Variants in RORA observed in about 807,000 individuals in gnomAD.
RORA encodes nuclear receptor ROR-alpha.
In RORA, 7 loss-of-function variants were observed where a neutral mutation model predicts 69.5. The ratio of observed to expected loss-of-function variants is 0.10; its 90% CI spans 0.06 to 0.19. The LOEUF (loss-of-function observed/expected upper bound fraction) is 0.19, where lower values mean the gene tolerates loss of function less well. RORA is among the 10% of genes least tolerant of loss of function. The probability of loss-of-function intolerance (pLI) is 1.00; values close to 1 mark genes in which losing one functional copy is unlikely to be tolerated. For synonymous variants in RORA, 261 were observed against 240.8 expected (o/e 1.08, Z -0.78); for missense variants, 457 against 663.0 (o/e 0.69, Z 3.41).
At position 60,905,099 on chromosome 15, in the gene RORA, T is replaced by C. The variant is rs1891498340; in HGVS notation, c.167-226413A>G. On this transcript the variant is annotated intron_variant, in intron 1 of 10. Transcript: ENST00000335670. This position sits in a 1 kb window ranked among gnomAD's most constrained non-coding sequence, Gnocchi z 4.8. ...CTTTAATGTTAATGAGACTCATTCATACCATGGGCTGGGGAGGCTTGGAAA... is the reference window on the plus strand; with the variant it reads ...CTTTAATGTTAATGAGACTCATTCACACCATGGGCTGGGGAGGCTTGGAAA... Among the ~76,000 whole-genome samples the C allele has an allele frequency of 6.6e-6, 1 of 152,200 alleles. No individual in the cohort carries two copies. The highest frequency in any genetic ancestry group is 2.4e-5 in the African/African-American group (1 of 41,454).
intron 1 of RORA, among the ~76,000 whole-genome samples, chr15:60,747,203 A>G (rs1027944747): frequency 2.0e-5 from 3 of 152,224 alleles, no homozygotes; most frequent in African/African-American, 7.2e-5. Flanking sequence ...AGATAACAGC[A>G]ATGTTTTAAT....
intron 1 of RORA, chr15:60,847,657 C>A (rs574376659): frequency 6.6e-6 from 1 of 152,092 alleles, no homozygotes; most frequent in East Asian, 1.9e-4. Flanking sequence ...AAAACCCACA[C>A]TAGATATTGA....
chr15:61,177,466 A>T (rs1281513532), intron 1 of RORA, among the ~76,000 whole-genome samples: 1 of 152,288 alleles, frequency 6.6e-6, no homozygotes, highest in East Asian at 1.9e-4. Context: ...TTAAACTAAA[A>T]ACTAAGATGT....
intron 8 of RORA, among the ~76,000 whole-genome samples, chr15:60,501,767 C>T (rs1331886601): frequency 6.6e-6 from 1 of 152,132 alleles, no homozygotes; most frequent in Non-Finnish European, 1.5e-5. Context: ...GAATAATAAT[C>T]CGTTTTCCAA....
In RORA at chr15:60,770,201, CA is replaced by C. The variant is rs559108616; in HGVS notation, c.167-91516del. ...TTAAATTCTAAAAACTACAAATGTT[CA>C]AAAAAGATATTCCTTTTTTTTTCTT... On this transcript the variant is annotated intron_variant, in intron 1 of 10. Coordinates refer to ENST00000335670, the MANE Select transcript of RORA (RefSeq NM_134261.3). 1.3e-3 allele frequency among the ~76,000 whole-genome samples: 197 copies of C among 151,816 alleles called. 1 individual carries two copies. The highest frequency in any genetic ancestry group is 4.2e-3 in the African/African-American group (175 of 41,470).
chr15:60,885,540 A>G (rs2073741314), intron 1 of RORA, among the ~76,000 whole-genome samples: 1 of 152,236 alleles, frequency 6.6e-6, no homozygotes, highest in South Asian at 2.1e-4. Context: ...CTTTGGCTAC[A>G]GAATTCTGGA....
intron 1 of RORA, among the ~76,000 whole-genome samples, chr15:60,749,848 T>C (rs1457846515): frequency 1.3e-5 from 2 of 152,126 alleles, no homozygotes; most frequent in African/African-American, 2.4e-5. Flanking sequence ...GACAACATAG[T>C]GAGACCCCGT....
Position 60,700,348 on chromosome 15 carries a change from T to C in RORA, c.167-21662A>G, listed in dbSNP as rs755939506. Among the ~76,000 whole-genome samples the C allele has an allele frequency of 7.9e-5, 12 of 152,274 alleles. No individual in the cohort carries two copies. In the Middle Eastern group the frequency reaches 0.01, roughly 129 times the overall value. ...GGACAGCAGGGTAGTTGACCTTCGA[T>C]CCTGTCTGACCATACCCCAAATCCT... On this transcript the variant is annotated intron_variant, in intron 1 of 10. Coordinates refer to ENST00000335670, the MANE Select transcript of RORA (RefSeq NM_134261.3).
intron 1 of RORA, among the ~76,000 whole-genome samples, chr15:61,048,682 C>T (rs1352655787): frequency 2.6e-5 from 4 of 152,126 alleles, no homozygotes; most frequent in Admixed American, 6.5e-5. Context: ...ACTTTGACGT[C>T]GAGTCCAACA....
At chr15:60,799,677 A>T (rs889386644) in intron 1 of RORA, among the ~76,000 whole-genome samples, 1 of 152,158 alleles carries the variant, frequency 6.6e-6, no homozygotes. Context: ...GCTACATGCC[A>T]AGATGCACTG....
At chr15:60,855,999 A>G (rs1344327408) in intron 1 of RORA, among the ~76,000 whole-genome samples, 1 of 139,684 alleles carries the variant, frequency 7.2e-6, no homozygotes, top group Non-Finnish European at 1.6e-5. Context: ...CTAACCTCAT[A>G]TATACTGAAT....
At chr15:60,721,271 A>G (rs2071290153) in intron 1 of RORA, among the ~76,000 whole-genome samples, 1 of 152,220 alleles carries the variant, frequency 6.6e-6, no homozygotes, top group Non-Finnish European at 1.5e-5. Context: ...AGTCCAAATT[A>G]ACAAAAAATC....
Position 60,493,453 on chromosome 15 carries a change from C to T in RORA, c.*4002G>A, listed in dbSNP as rs1341939326. 6.6e-6 allele frequency: 1 copy of T among 152,166 alleles called. No individual in the cohort carries two copies. The highest frequency in any genetic ancestry group is 2.4e-5 in the African/African-American group (1 of 41,434). The allele number at this position is 152,166 out of a possible 1,614,324, so 9.4% of individuals were successfully genotyped here. On this transcript the variant is annotated 3_prime_UTR_variant, in exon 11 of 11. Coordinates refer to ENST00000335670, the MANE Select transcript of RORA (RefSeq NM_134261.3). ...AAAAAGCAACAATGAGAGAAGCTTA[C>T]ATACTACTTAAACCTTTTCATGAAA...
chr15:60,535,367 A>G (rs957867074), intron 2 of RORA, among the ~76,000 whole-genome samples: 3 of 152,188 alleles, frequency 2.0e-5, no homozygotes, highest in African/African-American at 7.2e-5. Context: ...TTTCAGCCCT[A>G]TTGCCTAAAT....
At chr15:60,968,102 C>T (rs762606909) in intron 1 of RORA, among the ~76,000 whole-genome samples, 1 of 152,176 alleles carries the variant, frequency 6.6e-6, no homozygotes, top group African/African-American at 2.4e-5. Flanking sequence ...TGTATTGGTG[C>T]TTACGCTATT....
At chr15:60,815,890 A>G (rs1201453142) in intron 1 of RORA, among the ~76,000 whole-genome samples, 1 of 147,584 alleles carries the variant, frequency 6.8e-6, no homozygotes, top group Non-Finnish European at 1.5e-5. Context: ...TACTATTTAT[A>G]TACTATAGTG....
intron 1 of RORA, among the ~76,000 whole-genome samples, chr15:61,174,855 GCTCT>G (rs2079614206): frequency 6.6e-6 from 1 of 152,122 alleles, no homozygotes; most frequent in African/African-American, 2.4e-5. Context: ...CCGCATAATG[GCTCT>G]CTAAGGTGGT....
At chr15:60,891,142 C>T (rs1024812540) in intron 1 of RORA, among the ~76,000 whole-genome samples, 21 of 152,220 alleles carry the variant, frequency 1.4e-4, no homozygotes, top group Non-Finnish European at 2.6e-4. Context: ...GGACCCTCTA[C>T]CATGTGTGAG....
intron 1 of RORA, among the ~76,000 whole-genome samples, chr15:60,725,974 TG>T (rs993656734): frequency 2.8e-4 from 43 of 152,154 alleles, no homozygotes; most frequent in African/African-American, 4.1e-4. Context: ...GGTGGTGGTT[TG>T]GGGGGCACAC....
Sources: allele counts gnomAD v4.1 joint callset (sites outside exome capture counted in the v4.1 genomes callset), GRCh38; gene constraint gnomAD v4.1.1; non-coding constraint Gnocchi (gnomAD v3.1); transcripts MANE v1.5; gene names NCBI Gene and HGNC (gene_info 2026-07-23, HGNC 2026-07-21).